UCP3: variants seen among roughly 807,000 people sequenced by gnomAD.
The protein encoded by UCP3 is uncoupling protein 3.
A neutral mutation model predicts 28.1 loss-of-function variants in UCP3; 24 were observed. That is an observed-to-expected ratio of 0.85 (90% CI 0.62 to 1.20). The LOEUF (loss-of-function observed/expected upper bound fraction) is 1.20. Among genes scored for constraint, UCP3 ranks in the 50% most tolerant of loss-of-function variants. The probability of loss-of-function intolerance (pLI) is 0.00; values close to 1 mark genes in which losing one functional copy is unlikely to be tolerated. For missense variants in UCP3, 397 were observed against 422.2 expected (o/e 0.94, Z 0.52); for synonymous variants, 184 against 171.2 (o/e 1.07, Z -0.59).
rs780758930 is a variant in UCP3, at chr11:74,005,744, C to G, written c.527G>C (p.Arg176Thr). 1.5e-5 allele frequency: 24 copies of G among 1,614,038 alleles called. No individual in the cohort carries two copies. Among genetic ancestry groups the G allele is most frequent in the Non-Finnish European group, 1.9e-5 (22 of 1,180,030 alleles). The change falls in exon 4 of 7, where the codon AGG (arginine) becomes ACG (threonine). Residue 176 changes from arginine to threonine, a missense_variant. Transcript: ENST00000314032. ...YRTIAREEGV[R>T]GLWKGTLPNI... ...TCCAGACCTACCTTTCCACAGGCCC[C>G]TGACTCCTTCCTCCCTGGCGATGGT...
In UCP3 at chr11:74,007,171, T is replaced by A; in HGVS notation, c.-95-34A>T. The stretch of plus-strand genomic sequence containing the variant: ...GACAGGCCAGAGAAGGCTGATGGAG[T>A]GATGTCTGGCCTGGCTCCCAGGAAC... On this transcript the variant is annotated intron_variant, in intron 1 of 6. Transcript: ENST00000314032. 3.1e-6 allele frequency: 4 copies of A among 1,273,964 alleles called. No individual in the cohort carries two copies. The East Asian group carries it at 1.0e-4, about 32-fold the overall frequency. 78.9% of individuals were successfully genotyped at this position (1,273,964 alleles called of 1,614,324 possible).
chr11:74,006,413 T>C (rs1332216516), intron 2 of UCP3, 34 bp from the exon 3 acceptor site: 7 of 1,503,230 alleles, frequency 4.7e-6, no homozygotes, highest in East Asian at 2.3e-5. Flanking sequence ...AGGACTCAGA[T>C]GGGAAGGCAA....
At position 74,006,202 on chromosome 11, in the gene UCP3, C is replaced by G; in HGVS notation, c.304G>C (p.Val102Leu). 1.2e-6 allele frequency: 2 copies of G among 1,614,100 alleles called. No individual in the cohort carries two copies. The highest frequency in any genetic ancestry group is 1.7e-6 in the Non-Finnish European group (2 of 1,180,022). ...ASIRIGLYDS[V>L]KQVYTPKGAD... Reference sequence around the variant, plus strand: ...CCTTTGGGGGTGTACACCTGCTTGACGGAGTCATAGAGGCCGATGCGGATG... The same window carrying G: ...CCTTTGGGGGTGTACACCTGCTTGAGGGAGTCATAGAGGCCGATGCGGATG... The change falls in exon 3 of 7, where the codon GTC (valine) becomes CTC (leucine). Residue 102 changes from valine to leucine, a missense_variant. Transcript: ENST00000314032.
chr11:74,003,546 G>A, intron 6 of UCP3: 2 of 1,146,026 alleles, frequency 1.7e-6, no homozygotes, highest in South Asian at 5.8e-5. Flanking sequence ...GCCATGGCAG[G>A]AGGTCCAGGA....
In UCP3 at chr11:74,001,267, A is replaced by G; in HGVS notation, c.*145T>C. ...AGACCAGAATCCCTCCTCCTCTTCT[A>G]CTTCTGTTTCTTGAATCAGCAACAA... On this transcript the variant is annotated 3_prime_UTR_variant, in exon 7 of 7. Coordinates refer to ENST00000314032, the MANE Select transcript of UCP3 (RefSeq NM_003356.4). 1 of 754,530 alleles carries G rather than the reference A, an allele frequency of 1.3e-6. No individual in the cohort carries two copies. The highest frequency in any genetic ancestry group is 2.2e-6 in the Non-Finnish European group (1 of 451,304). 46.7% of individuals were successfully genotyped at this position (754,530 alleles called of 1,614,324 possible).
intron 6 of UCP3, chr11:74,002,946 T>A (rs1296926763): frequency 1.0e-6 from 1 of 985,186 alleles, no homozygotes; most frequent in Admixed American, 6.2e-5. Context: ...CATTGTTGGG[T>A]GTGGTGTCTG....
Position 74,006,247 on chromosome 11 carries a change from G to T in UCP3, c.259C>A (p.Arg87Ser). The change falls in exon 3 of 7, where the codon CGC becomes AGC. Residue 87 changes from arginine (R) to serine (S), a missense_variant. Physicochemically the swap from Arg to Ser is moderately radical, Grantham distance 110. Transcript: ENST00000314032. ...CGGATGGAGGCGAAGCTCATCTGGC[G>T]CTGCAGGCCGGCCACCAGCCCATTG... The part of the protein sequence containing the change: ...PYNGLVAGLQ[R>S]QMSFASIRIG... 1.2e-6 allele frequency: 2 copies of T among 1,613,978 alleles called. No homozygotes were observed. The highest frequency in any genetic ancestry group is 8.5e-7 in the Non-Finnish European group (1 of 1,180,032).
intron 4 of UCP3, 51 bp from the exon 5 acceptor site, chr11:74,004,636 T>A (rs1388752820): frequency 6.5e-7 from 1 of 1,541,094 alleles, no homozygotes; most frequent in Non-Finnish European, 8.9e-7. Flanking sequence ...GAGGGAGGAA[T>A]GGGAAATGGG....
At chr11:74,005,231 C>T (rs767517145) in intron 4 of UCP3, among the ~76,000 whole-genome samples, 4 of 152,240 alleles carry the variant, frequency 2.6e-5, no homozygotes, top group Admixed American at 6.5e-5. Flanking sequence ...AGCGCTTCCT[C>T]GTTGCATCTC....
At chr11:74,008,651 G>C (rs1951683909) in intron 1 of UCP3, among the ~76,000 whole-genome samples, 1 of 152,120 alleles carries the variant, frequency 6.6e-6, no homozygotes, top group Non-Finnish European at 1.5e-5. Flanking sequence ...AGAGATTCTG[G>C]GGCAGGCAAA....
Position 74,007,079 on chromosome 11 carries a change from A to G in UCP3, c.-37T>C, listed in dbSNP as rs1951673500. ...GCTCTGCCCAGTCCCTTTAGGGCCG[A>G]GAGGAGGTCCAAGGAGAGAGGCTGC... On this transcript the variant is annotated 5_prime_UTR_variant, in exon 2 of 7. Coordinates refer to ENST00000314032, the MANE Select transcript of UCP3 (RefSeq NM_003356.4). The G allele has an allele frequency of 6.2e-7, 1 of 1,611,380 alleles. No homozygotes were observed. Among genetic ancestry groups the G allele is most frequent in the South Asian group, 1.1e-5 (1 of 90,998 alleles).
chr11:74,004,007 T>C lies in UCP3; in HGVS notation c.644A>G (p.Asp215Gly). The change falls in exon 6 of 7, where the codon GAC becomes GGC. Residue 215 changes from aspartate to glycine, a missense_variant and splice_region_variant. By Grantham distance (94) the Asp-to-Gly change is moderately conservative. Coordinates refer to ENST00000314032, the MANE Select transcript of UCP3 (RefSeq NM_003356.4). ...EKLLDYHLLT[D>G]NFPCHFVSAF... ...AGAGACAAAGTGGCAGGGGAAGTTG[T>C]CTGCAGAGGAAGGACAAGCAAATAT... is the stretch of plus-strand genomic sequence containing the variant. 1 of 1,613,836 alleles carries C rather than the reference T, an allele frequency of 6.2e-7. No individual in the cohort carries two copies. Among genetic ancestry groups the C allele is most frequent in the Non-Finnish European group, 8.5e-7 (1 of 1,179,998 alleles).
At chr11:74,003,577 C>T in intron 6 of UCP3, 3 of 1,228,344 alleles carry the variant, frequency 2.4e-6, no homozygotes, top group Non-Finnish European at 3.1e-6. Flanking sequence ...TTGCTAACTT[C>T]CTCTGGAGAC....
chr11:74,003,733 C>T (rs1246542811), intron 6 of UCP3, 94 bp downstream of exon 6: 18 of 1,507,642 alleles, frequency 1.2e-5, no homozygotes, highest in African/African-American at 4.2e-5. Flanking sequence ...TACTCTTCAC[C>T]GCTACATCCC....
chr11:74,006,883 T>C (rs1226980563), intron 2 of UCP3, 34 bp downstream of exon 2: 6 of 1,614,032 alleles, frequency 3.7e-6, no homozygotes, highest in Non-Finnish European at 5.1e-6. Context: ...CCTCCTTCCA[T>C]GTGATCAATG....
Position 74,005,618 on chromosome 11 carries a change from A to T in UCP3, c.541+112T>A, listed in dbSNP as rs1053186263. 4.6e-5 allele frequency: 56 copies of T among 1,219,886 alleles called. No homozygotes were observed. In the African/African-American group the frequency reaches 7.6e-4, roughly 17 times the overall value. The allele number at this position is 1,219,886 out of a possible 1,614,324, so 75.6% of individuals were successfully genotyped here. A position where few individuals can be genotyped will look rare whatever the true frequency, so the allele number is the denominator to read the frequency against. On this transcript the variant is annotated intron_variant, in intron 4 of 6. Transcript: ENST00000314032. ...ATCTTTGGTTGTGATGTTCTTTCAG[A>T]ATCACTGGAACACGCCATGCTGGGA...
chr11:74,003,675 T>C, intron 6 of UCP3, 152 bp downstream of exon 6: 1 of 1,457,152 alleles, frequency 6.9e-7, no homozygotes, highest in African/African-American at 1.4e-5. Context: ...CTTTTTTTCT[T>C]TTACTTGCAT....
chr11:74,005,264 G>A (rs1223763743), intron 4 of UCP3, among the ~76,000 whole-genome samples: 1 of 152,200 alleles, frequency 6.6e-6, no homozygotes, highest in Non-Finnish European at 1.5e-5. Flanking sequence ...CCTCACAGCT[G>A]TGCTTTTCTG....
At chr11:74,003,685 T>C (rs1331507209) in intron 6 of UCP3, 142 bp downstream of exon 6, 8 of 1,459,484 alleles carry the variant, frequency 5.5e-6, no homozygotes, top group Admixed American at 2.4e-5. Flanking sequence ...TTTACTTGCA[T>C]GGTTTTTTAA....
Sources: gnomAD v4.1 joint callset for allele counts (sites outside exome capture counted in the v4.1 genomes callset) on GRCh38, gnomAD v4.1.1 for gene constraint, MANE v1.5 for transcripts, NCBI Gene and HGNC (gene_info 2026-07-23, HGNC 2026-07-21) for gene names.